NOSTRIN: variants seen among roughly 807,000 people sequenced by gnomAD.
NOSTRIN encodes BM247 homolog.
Under a neutral mutation model 59.0 loss-of-function variants are expected in NOSTRIN, and 63 were observed. That is an observed-to-expected ratio of 1.07 (90% CI 0.87 to 1.32). The LOEUF is 1.32. Among genes scored for constraint, NOSTRIN ranks in the 40% most tolerant of loss-of-function variants. The pLI, the probability that NOSTRIN is intolerant of heterozygous loss-of-function variation, is 0.00. For missense variants in NOSTRIN, 512 were observed against 473.1 expected (o/e 1.08, Z -0.76); for synonymous variants, 200 against 165.4 (o/e 1.21, Z -1.61).
chr2:168,846,524 A>T (rs505283), intron 8 of NOSTRIN, among the ~76,000 whole-genome samples: 1 of 151,926 alleles, frequency 6.6e-6, no homozygotes, highest in Non-Finnish European at 1.5e-5. Context: ...AATGAAACCA[A>T]TTCCACAAAC....
intron 15 of NOSTRIN, among the ~76,000 whole-genome samples, chr2:168,863,858 T>A (rs187388180): frequency 6.6e-6 from 1 of 151,792 alleles, no homozygotes; most frequent in Non-Finnish European, 1.5e-5. Context: ...ATCAGCTACA[T>A]AGAAATAGAA....
intron 1 of NOSTRIN, among the ~76,000 whole-genome samples, chr2:168,805,157 A>G (rs1685783097): frequency 6.6e-6 from 1 of 152,196 alleles, no homozygotes; most frequent in African/African-American, 2.4e-5. Flanking sequence ...AAATTTAAAA[A>G]TCTCTTTTAG....
intron 2 of NOSTRIN, among the ~76,000 whole-genome samples, chr2:168,817,516 G>T (rs1311215375): frequency 1.3e-5 from 2 of 150,746 alleles, no homozygotes; most frequent in Admixed American, 6.6e-5. Flanking sequence ...ATAAAATTTT[G>T]TTTCCCTGCT....
chr2:168,847,464 G>GT (rs889404771), intron 8 of NOSTRIN, among the ~76,000 whole-genome samples: 1 of 152,044 alleles, frequency 6.6e-6, no homozygotes, highest in African/African-American at 2.4e-5. Context: ...ATATTCTAAA[G>GT]TTTGAGAGTC....
chr2:168,799,411 G>A (rs1281804880), upstream of NOSTRIN, among the ~76,000 whole-genome samples: 1 of 152,116 alleles, frequency 6.6e-6, no homozygotes, highest in Non-Finnish European at 1.5e-5. Flanking sequence ...AAGTCCCCTT[G>A]GGCCATTTTT....
intron 2 of NOSTRIN, among the ~76,000 whole-genome samples, chr2:168,788,671 C>T (rs1202165937): frequency 1.3e-5 from 2 of 151,782 alleles, no homozygotes; most frequent in Admixed American, 1.3e-4. Flanking sequence ...TGATCAAAGG[C>T]GTAAATATAT....
chr2:168,837,544 C>T (rs924781300), intron 7 of NOSTRIN, among the ~76,000 whole-genome samples: 5 of 151,942 alleles, frequency 3.3e-5, no homozygotes, highest in East Asian at 1.9e-4. Context: ...CTCCTGACTT[C>T]GTGATCCGCC....
At chr2:168,860,205 T>G (rs1689353240) in intron 13 of NOSTRIN, among the ~76,000 whole-genome samples, 1 of 152,250 alleles carries the variant, frequency 6.6e-6, no homozygotes, top group Non-Finnish European at 1.5e-5. Flanking sequence ...AAAGTTGTAT[T>G]TGTAAAAGTA....
At chr2:168,837,966 A>T (rs1221909772) in intron 7 of NOSTRIN, among the ~76,000 whole-genome samples, 1 of 151,794 alleles carries the variant, frequency 6.6e-6, no homozygotes, top group Non-Finnish European at 1.5e-5. Context: ...GTTTCTGAAG[A>T]TTTCTCTTCT....
At chr2:168,797,092 T>C (rs1472294422), upstream of NOSTRIN, among the ~76,000 whole-genome samples, 1 of 129,130 alleles carries the variant, frequency 7.7e-6, no homozygotes, top group African/African-American at 3.0e-5. Context: ...TTTTTTTTTT[T>C]TTTTTTTTTG....
In NOSTRIN at chr2:168,864,820, CTG is replaced by C. The variant is rs755688570; in HGVS notation, c.1385-12_1385-11del. ...ACATCACAGAGACCCATTTGTCTAA[CTG>C]TATTTTCACAGGTGACATTGTGATT... is the stretch of plus-strand genomic sequence containing the variant. On this transcript the variant is annotated splice_polypyrimidine_tract_variant and intron_variant, in intron 15 of 15. Transcript: ENST00000317647. 2.2e-5 allele frequency: 36 copies of C among 1,613,282 alleles called. No homozygotes were observed. Among genetic ancestry groups the C allele is most frequent in the Non-Finnish European group, 2.8e-5 (33 of 1,179,582 alleles).
At chr2:168,853,339 C>G (rs905322755) in intron 10 of NOSTRIN, among the ~76,000 whole-genome samples, 8 of 152,190 alleles carry the variant, frequency 5.3e-5, no homozygotes, top group Non-Finnish European at 1.0e-4. Flanking sequence ...AGAGACCAAT[C>G]TGAGTGCAAA....
intron 2 of NOSTRIN, among the ~76,000 whole-genome samples, chr2:168,816,757 C>T (rs1004737431): frequency 1.1e-4 from 16 of 152,200 alleles, no homozygotes; most frequent in African/African-American, 3.9e-4. Flanking sequence ...CTGTCTCTTT[C>T]CCTAGAGGCT....
chr2:168,819,554 G>A (rs1172162443), intron 2 of NOSTRIN, among the ~76,000 whole-genome samples: 1 of 152,154 alleles, frequency 6.6e-6, no homozygotes, highest in Non-Finnish European at 1.5e-5. Flanking sequence ...TAGAGGCCTG[G>A]GAGAGGTTTC....
rs137990311 is a variant in NOSTRIN at position 168,844,902 on chromosome 2, C to T, written c.630+1785C>T. On this transcript the variant is annotated intron_variant, in intron 8 of 15. Transcript: ENST00000317647. ...AAAAAAAAAAAAGATTCAGCCTGGA[C>T]CTCTGCATTATGCTCCTGCCCCATT... Among the ~76,000 whole-genome samples, 1,269 of 151,434 alleles carry T rather than the reference C, an allele frequency of 8.4e-3. 20 individuals carry two copies. The highest frequency in any genetic ancestry group is 0.028 in the African/African-American group (1,152 of 41,198).
chr2:168,865,014 A>G lies in NOSTRIN; in HGVS notation c.*44A>G, dbSNP rs527812643. On this transcript the variant is annotated 3_prime_UTR_variant, in exon 16 of 16. Coordinates refer to ENST00000317647, the MANE Select transcript of NOSTRIN (RefSeq NM_001039724.4). ...CTACCTTCACACTCGGTAATCAACA[A>G]TACAGTGTGGTTCAAATAAGAATAA... 2 of 1,599,834 alleles carry G rather than the reference A, an allele frequency of 1.3e-6. No individual in the cohort carries two copies. Among genetic ancestry groups the G allele is most frequent in the Non-Finnish European group, 1.7e-6 (2 of 1,172,510 alleles).
At chr2:168,856,519 G>A (rs532703360) in intron 11 of NOSTRIN, 171 bp from the exon 12 acceptor site, 2 of 592,712 alleles carry the variant, frequency 3.4e-6, no homozygotes, top group East Asian at 2.9e-5. Flanking sequence ...AGGTTGCAGT[G>A]AGCCGAGATC....
At chr2:168,825,748 A>G (rs1201540012) in intron 3 of NOSTRIN, among the ~76,000 whole-genome samples, 2 of 152,234 alleles carry the variant, frequency 1.3e-5, no homozygotes, top group African/African-American at 4.8e-5. Flanking sequence ...TGACTAATGC[A>G]TGCAGACGTG....
At chr2:168,846,188 A>T (rs77501730) in intron 8 of NOSTRIN, among the ~76,000 whole-genome samples, 6,166 of 152,232 alleles carry the variant, frequency 0.041, 166 homozygotes, top group Non-Finnish European at 0.061. Context: ...TGTTTATGGC[A>T]CTCAAGTGTC....
Sources: gnomAD v4.1 joint callset for allele counts (sites outside exome capture counted in the v4.1 genomes callset) on GRCh38, gnomAD v4.1.1 for gene constraint, MANE v1.5 for transcripts, NCBI Gene and HGNC (gene_info 2026-07-23, HGNC 2026-07-21) for gene names.